PTP4A1: variants seen among roughly 807,000 people sequenced by gnomAD.
PTP4A1 encodes protein tyrosine phosphatase 4A1.
In PTP4A1, 9 loss-of-function variants were observed where a neutral mutation model predicts 20.5. That is an observed-to-expected ratio of 0.44 (90% CI 0.26 to 0.77). The LOEUF (loss-of-function observed/expected upper bound fraction) is 0.77. PTP4A1 is among the 30% of genes least tolerant of loss of function. The probability of loss-of-function intolerance (pLI) is 0.19; values close to 1 mark genes in which losing one functional copy is unlikely to be tolerated. For missense variants in PTP4A1, 137 were observed against 218.8 expected (o/e 0.63, Z 2.36); for synonymous variants, 78 against 67.4 (o/e 1.16, Z -0.77).
intron 2 of PTP4A1, among the ~76,000 whole-genome samples, chr6:63,546,836 A>C (rs901698429): frequency 6.6e-6 from 1 of 152,216 alleles, no homozygotes; most frequent in African/African-American, 2.4e-5. Context: ...TTAGATCTTA[A>C]ATTTTCTCAT....
At chr6:63,548,526 T>C (rs749945479) in intron 2 of PTP4A1, among the ~76,000 whole-genome samples, 1 of 152,216 alleles carries the variant, frequency 6.6e-6, no homozygotes, top group Non-Finnish European at 1.5e-5. Flanking sequence ...GTAGAGCCTG[T>C]GACCATGTCC....
intron 2 of PTP4A1, among the ~76,000 whole-genome samples, chr6:63,529,109 A>ATATATATATATGTATATATATGTGTGTG (rs1562112338): frequency 1.8e-4 from 26 of 146,142 alleles, no homozygotes; most frequent in East Asian, 3.9e-4. Flanking sequence ...ATATGTGTGT[A>ATATATATATATGTATATATATGTGTGTG]TATATATATA....
At chr6:63,541,399 A>G (rs1204126573) in intron 2 of PTP4A1, among the ~76,000 whole-genome samples, 1 of 151,970 alleles carries the variant, frequency 6.6e-6, no homozygotes, top group Non-Finnish European at 1.5e-5. Context: ...TAAAAAAACA[A>G]AAAAATAGCC....
intron 3 of PTP4A1, among the ~76,000 whole-genome samples, chr6:63,562,104 A>G (rs903909686): frequency 6.6e-6 from 1 of 151,826 alleles, no homozygotes; most frequent in Admixed American, 6.6e-5. Flanking sequence ...TTACCTGTTA[A>G]CATTTTAGTT....
intron 3 of PTP4A1, among the ~76,000 whole-genome samples, chr6:63,561,506 C>G (rs1489317887): frequency 6.6e-6 from 1 of 152,120 alleles, no homozygotes; most frequent in Non-Finnish European, 1.5e-5. Flanking sequence ...ATTCTGTGTA[C>G]CCAGTCATCA....
intron 2 of PTP4A1, among the ~76,000 whole-genome samples, chr6:63,533,509 T>G (rs1775565975): frequency 6.6e-6 from 1 of 152,228 alleles, no homozygotes; most frequent in Admixed American, 6.5e-5. Flanking sequence ...TGGTTGGAGA[T>G]TCACAGTGAG....
At chr6:63,573,354 TCTCGGAGCTC>T (rs1264195831) in intron 1 of PTP4A1, 2 of 151,464 alleles carry the variant, frequency 1.3e-5, no homozygotes, top group Non-Finnish European at 2.9e-5. Flanking sequence ...TTCCAGAGCT[TCTCGGAGCTC>T]CGGGGTGGGC....
intron 1 of PTP4A1, among the ~76,000 whole-genome samples, chr6:63,574,197 A>G (rs1041382917): frequency 1.3e-5 from 2 of 152,220 alleles, no homozygotes; most frequent in African/African-American, 4.8e-5. Flanking sequence ...TAAGACCTAA[A>G]TAGATGTGGA....
chr6:63,545,840 G>A (rs1027479559), intron 2 of PTP4A1, among the ~76,000 whole-genome samples: 1 of 151,744 alleles, frequency 6.6e-6, no homozygotes, highest in African/African-American at 2.4e-5. Flanking sequence ...CTCTAGCAAT[G>A]AGAAACCTGG....
chr6:63,518,795 G>T (rs1774821740), upstream of PTP4A1, among the ~76,000 whole-genome samples: 1 of 152,096 alleles, frequency 6.6e-6, no homozygotes. Context: ...TTGCTGAAAA[G>T]ATAGAAAATA....
chr6:63,563,379 C>T (rs765423109), intron 3 of PTP4A1, among the ~76,000 whole-genome samples: 2 of 152,158 alleles, frequency 1.3e-5, no homozygotes, highest in East Asian at 3.9e-4. Context: ...ACCAACCAAA[C>T]TCCCACCTGA....
At chr6:63,522,263 C>T (rs1774958723) in intron 1 of PTP4A1, among the ~76,000 whole-genome samples, 1 of 152,074 alleles carries the variant, frequency 6.6e-6, no homozygotes, top group African/African-American at 2.4e-5. Flanking sequence ...GTTTCTGTTA[C>T]TTATTTGAAT....
chr6:63,560,354 A>AAAAAG (rs1776886941), intron 3 of PTP4A1, among the ~76,000 whole-genome samples: 4 of 149,726 alleles, frequency 2.7e-5, no homozygotes, highest in African/African-American at 9.9e-5. Context: ...AAAAAAAAAA[A>AAAAAG]AAAGAAAGAA....
chr6:63,541,467 C>T (rs1275225848), intron 2 of PTP4A1, among the ~76,000 whole-genome samples: 15 of 152,002 alleles, frequency 9.9e-5, no homozygotes, highest in African/African-American at 3.6e-4. Flanking sequence ...ACAGGAAAAT[C>T]GCCTGAACCC....
chr6:63,526,257 G>A (rs543280906), intron 1 of PTP4A1, among the ~76,000 whole-genome samples: 15 of 151,984 alleles, frequency 9.9e-5, no homozygotes, highest in African/African-American at 1.7e-4. Context: ...CCAGGGAGGC[G>A]GAGGTTGCAG....
At chr6:63,528,948 G>T (rs569700249) in intron 2 of PTP4A1, among the ~76,000 whole-genome samples, 3 of 151,942 alleles carry the variant, frequency 2.0e-5, no homozygotes, top group South Asian at 2.1e-4. Flanking sequence ...AATTAGCTGG[G>T]CGTGGTGGCA....
chr6:63,536,082 A>G (rs893571246), intron 2 of PTP4A1, among the ~76,000 whole-genome samples: 20 of 149,390 alleles, frequency 1.3e-4, no homozygotes, highest in African/African-American at 4.9e-4. Context: ...CTGTAATCCC[A>G]GCACTTTGGG....
At chr6:63,576,324 A>G in intron 1 of PTP4A1, 112 bp from the exon 2 acceptor site, 1 of 391,518 alleles carries the variant, frequency 2.6e-6, no homozygotes, top group African/African-American at 2.1e-5. Flanking sequence ...GAAGCGGCTC[A>G]GGCCCTGCTT....
At chr6:63,530,637 G>A (rs896919639) in intron 2 of PTP4A1, among the ~76,000 whole-genome samples, 11 of 152,058 alleles carry the variant, frequency 7.2e-5, no homozygotes, top group African/African-American at 2.7e-4. Flanking sequence ...TAGAAAAAAA[G>A]GAGAAGATAA....
Sources: allele counts gnomAD v4.1 joint callset (sites outside exome capture counted in the v4.1 genomes callset), GRCh38; gene constraint gnomAD v4.1.1; transcripts MANE v1.5; gene names NCBI Gene and HGNC (gene_info 2026-07-23, HGNC 2026-07-21).